Variants in PPFIA2 observed in about 807,000 individuals in gnomAD.
The protein encoded by PPFIA2 is PPFI scaffold protein A2, also known as liprin-alpha-2.
A neutral mutation model predicts 175.5 loss-of-function variants in PPFIA2; 46 were observed. The observed-to-expected ratio is 0.26, with a 90% CI of 0.21 to 0.34. The LOEUF is 0.34. Among genes scored for constraint, PPFIA2 ranks in the 10% least tolerant of loss-of-function variants. PPFIA2 has a pLI of 1.00. For missense variants in PPFIA2, 1,179 were observed against 1,506.1 expected (o/e 0.78, Z 3.60); for synonymous variants, 568 against 511.4 (o/e 1.11, Z -1.49).
intron 4 of PPFIA2, chr12:81,598,452 A>G: frequency 1.2e-6 from 1 of 864,560 alleles, no homozygotes; most frequent in Non-Finnish European, 1.4e-6. Context: ...ATACAGTTTC[A>G]TTTCAGGGAA....
At chr12:81,491,304 A>G (rs1047680694) in intron 4 of PPFIA2, among the ~76,000 whole-genome samples, 1 of 151,652 alleles carries the variant, frequency 6.6e-6, no homozygotes, top group Non-Finnish European at 1.5e-5. Flanking sequence ...TTTTACAGGT[A>G]GGTTATTACT....
intron 4 of PPFIA2, among the ~76,000 whole-genome samples, chr12:81,607,211 G>T (rs1211366662): frequency 6.6e-6 from 1 of 151,616 alleles, no homozygotes; most frequent in Admixed American, 6.6e-5. Flanking sequence ...GTTACTGGAG[G>T]CTTATAGTTT....
intron 4 of PPFIA2, among the ~76,000 whole-genome samples, chr12:81,462,260 TATATATATATATATATGTTAGAAAAC>T (rs1271977101): frequency 5.2e-5 from 7 of 134,004 alleles, no homozygotes; most frequent in African/African-American, 1.8e-4. Context: ...CTAACATATA[TATATATATATATATATGTTAGAAAAC>T]ATATATATAT....
chr12:81,743,768 T>C (rs1212119038), intron 3 of PPFIA2, among the ~76,000 whole-genome samples: 1 of 149,036 alleles, frequency 6.7e-6, no homozygotes, highest in Non-Finnish European at 1.5e-5. Context: ...AATTTACAAA[T>C]ACATGTGACA....
chr12:81,297,216 G>C (rs967443527), intron 23 of PPFIA2, among the ~76,000 whole-genome samples: 1 of 152,142 alleles, frequency 6.6e-6, no homozygotes, highest in Admixed American at 6.6e-5. Context: ...CTGATACCTT[G>C]ATTGCAGCCC....
At chr12:81,572,182 C>T (rs748335681) in intron 4 of PPFIA2, among the ~76,000 whole-genome samples, 7 of 151,932 alleles carry the variant, frequency 4.6e-5, no homozygotes, top group Non-Finnish European at 7.4e-5. Flanking sequence ...CTAGAGCACT[C>T]CACTTCTCCT....
chr12:81,539,192 G>A (rs2153332098), intron 4 of PPFIA2, among the ~76,000 whole-genome samples: 1 of 152,026 alleles, frequency 6.6e-6, no homozygotes, highest in Non-Finnish European at 1.5e-5. Context: ...TCTGCTTTAA[G>A]ATACGTCAAC....
intron 4 of PPFIA2, among the ~76,000 whole-genome samples, chr12:81,621,765 C>T (rs1370143330): frequency 6.6e-6 from 1 of 152,104 alleles, no homozygotes; most frequent in Non-Finnish European, 1.5e-5. Context: ...ACAGAAGTAT[C>T]AGGTTTGGAG....
At chr12:81,543,928 T>C (rs2066596285) in intron 4 of PPFIA2, among the ~76,000 whole-genome samples, 1 of 152,102 alleles carries the variant, frequency 6.6e-6, no homozygotes, top group South Asian at 2.1e-4. Flanking sequence ...ACTAGTATAC[T>C]TCAAAACTGT....
At chr12:81,292,738 T>G (rs1331923473) in intron 24 of PPFIA2, 5 of 152,074 alleles carry the variant, frequency 3.3e-5, no homozygotes, top group Admixed American at 3.3e-4. Flanking sequence ...TTTTTGACTG[T>G]GTGTGGGGGG....
At chr12:81,476,138 T>C (rs868645814) in intron 4 of PPFIA2, among the ~76,000 whole-genome samples, 1 of 152,196 alleles carries the variant, frequency 6.6e-6, no homozygotes, top group South Asian at 2.1e-4. Context: ...TGACCTCCTT[T>C]CATTCCTCAA....
intron 31 of PPFIA2, among the ~76,000 whole-genome samples, chr12:81,262,649 T>C (rs900370430): frequency 6.6e-6 from 1 of 152,248 alleles, no homozygotes; most frequent in Non-Finnish European, 1.5e-5. Context: ...ATGACTTTTC[T>C]TTTGTAAATT....
chr12:81,741,050 ATG>A (rs2082257904), intron 3 of PPFIA2, among the ~76,000 whole-genome samples: 4 of 152,156 alleles, frequency 2.6e-5, no homozygotes, highest in Admixed American at 2.6e-4. Flanking sequence ...AACATGAAGA[ATG>A]TGAAAAAAAT....
rs946176113 is a variant in PPFIA2, at chr12:81,740,243, A to T, written c.249+13730T>A. 5.3e-5 allele frequency among the ~76,000 whole-genome samples: 8 copies of T among 152,294 alleles called. 1 individual carries two copies. Among genetic ancestry groups the T allele is most frequent in the African/African-American group, 1.9e-4 (8 of 41,576 alleles). On this transcript the variant is annotated intron_variant, in intron 3 of 32. Transcript: ENST00000549396. Reference sequence around the variant, plus strand: ...GTATTTTTTAAATTATCAGTGTCACAAATAAAACTCTGATTGCAATGCAAA... The same window carrying T: ...GTATTTTTTAAATTATCAGTGTCACTAATAAAACTCTGATTGCAATGCAAA...
intron 4 of PPFIA2, among the ~76,000 whole-genome samples, chr12:81,649,645 T>C (rs1031901040): frequency 8.5e-5 from 13 of 152,168 alleles, no homozygotes; most frequent in African/African-American, 2.9e-4. Flanking sequence ...ATGGCCTTAA[T>C]ATCTATCAAA....
intron 10 of PPFIA2, 29 bp downstream of exon 10, chr12:81,375,767 A>C: frequency 6.3e-7 from 1 of 1,576,756 alleles, no homozygotes; most frequent in Non-Finnish European, 8.7e-7. Context: ...CGCACAGACC[A>C]GAAGAAAACC....
intron 11 of PPFIA2, among the ~76,000 whole-genome samples, chr12:81,372,644 A>T (rs1186538247): frequency 6.9e-6 from 1 of 144,788 alleles, no homozygotes; most frequent in African/African-American, 2.7e-5. Flanking sequence ...CAAATGTTTA[A>T]AAAAAAAAAA....
rs1567687280 is a variant in PPFIA2 at position 81,642,702 on chromosome 12, A to ATGTATATATTATATACATACACG, written c.303+34088_303+34089insCGTGTATGTATATAATATATACA. Among the ~76,000 whole-genome samples, 4 of 7,402 alleles carry ATGTATATATTATATACATACACG rather than the reference A, an allele frequency of 5.4e-4. 1 individual carries two copies. The highest frequency in any genetic ancestry group is 1.5e-3 in the Non-Finnish European group (4 of 2,678). 4.9% of individuals were successfully genotyped at this position (7,402 alleles called of 152,430 possible). On this transcript the variant is annotated intron_variant, in intron 4 of 32. Transcript: ENST00000549396. ...ATGTATCTATTATATACATACATGT[A>ATGTATATATTATATACATACACG]TATGTATGTATGTATTATATACATA...
chr12:81,700,800 T>C (rs2076398320), intron 3 of PPFIA2, among the ~76,000 whole-genome samples: 1 of 152,110 alleles, frequency 6.6e-6, no homozygotes, highest in Admixed American at 6.6e-5. Flanking sequence ...ATATACATAT[T>C]GATTAGTTGG....
Sources: gnomAD v4.1 joint callset for allele counts (sites outside exome capture counted in the v4.1 genomes callset) on GRCh38, gnomAD v4.1.1 for gene constraint, MANE v1.5 for transcripts, NCBI Gene and HGNC (gene_info 2026-07-23, HGNC 2026-07-21) for gene names.